Variants in PSD3 observed in about 807,000 individuals in gnomAD.
PSD3 encodes the protein pleckstrin and Sec7 domain containing 3.
PSD3 carries 49 observed loss-of-function variants against 105.5 expected under a neutral mutation model. That is an observed-to-expected ratio of 0.46 (90% CI 0.37 to 0.59). The LOEUF is 0.59. PSD3 is among the 20% of genes least tolerant of loss of function. The probability of loss-of-function intolerance (pLI) is 0.00; values close to 1 mark genes in which losing one functional copy is unlikely to be tolerated. For missense variants in PSD3, 1,561 were observed against 1,263.8 expected, an observed-to-expected ratio of 1.24 and a Z score of -3.57; for synonymous variants, 557 against 457.8, an observed-to-expected ratio of 1.22 and a Z score of -2.77.
chr8:18,762,720 C>A (rs566416808), intron 9 of PSD3, among the ~76,000 whole-genome samples: 1 of 152,148 alleles, frequency 6.6e-6, no homozygotes, highest in African/African-American at 2.4e-5. Context: ...TATCATCTAT[C>A]CCTTCAATAC....
At chr8:18,627,414 G>C (rs991719770) in intron 11 of PSD3, among the ~76,000 whole-genome samples, 12 of 152,070 alleles carry the variant, frequency 7.9e-5, no homozygotes, top group African/African-American at 2.4e-4. Flanking sequence ...CTTAGCACTA[G>C]TGAAAGGAAA....
chr8:18,621,291 C>T (rs1806091583), intron 11 of PSD3, among the ~76,000 whole-genome samples: 2 of 152,030 alleles, frequency 1.3e-5, no homozygotes, highest in Admixed American at 6.6e-5. Flanking sequence ...ACCTGTAGTC[C>T]CTGTTACTCA....
chr8:18,815,020 G>T (rs114051047), intron 4 of PSD3, among the ~76,000 whole-genome samples: 147 of 152,278 alleles, frequency 9.7e-4, no homozygotes, highest in Middle Eastern at 3.4e-3. Context: ...ACCACCACCA[G>T]TCCTTAGAAT....
intron 2 of PSD3, among the ~76,000 whole-genome samples, chr8:18,904,539 T>C (rs1325103651): frequency 6.6e-6 from 1 of 152,188 alleles, no homozygotes; most frequent in Non-Finnish European, 1.5e-5. Flanking sequence ...TGGGGCCTAC[T>C]ACCCCTTTCT....
At position 18,867,742 on chromosome 8, in the gene PSD3, G is replaced by A. The variant is rs779646098; in HGVS notation, c.1566C>T (p.Thr522=). 2.5e-6 allele frequency: 4 copies of A among 1,613,986 alleles called. No individual in the cohort carries two copies. Among genetic ancestry groups the A allele is most frequent in the South Asian group, 2.2e-5 (2 of 91,074 alleles). The change falls in exon 4 of 16, where the codon ACC becomes ACT. Residue 522 remains threonine, a synonymous_variant. Coordinates refer to ENST00000327040, the MANE Select transcript of PSD3 (RefSeq NM_015310.4). ...AGTCGCTGGCATCATTCAGCCCATTGGTGACGCCACTAGAATAGCCCATCA... is the reference window on the plus strand; with the variant it reads ...AGTCGCTGGCATCATTCAGCCCATTAGTGACGCCACTAGAATAGCCCATCA... ...GIVMGYSSGV[T]NGLNDASDSI... is the part of the protein sequence containing the mutation.
At chr8:18,863,808 G>A (rs538214142) in intron 4 of PSD3, among the ~76,000 whole-genome samples, 45 of 152,060 alleles carry the variant, frequency 3.0e-4, no homozygotes, top group African/African-American at 1.1e-3. Context: ...TATAGATTTG[G>A]AATATTTTCT....
At chr8:18,795,642 A>AC (rs1810107608) in intron 8 of PSD3, among the ~76,000 whole-genome samples, 1 of 151,998 alleles carries the variant, frequency 6.6e-6, no homozygotes, top group African/African-American at 2.4e-5. Flanking sequence ...TCTATACTTA[A>AC]CCCTCCTACC....
chr8:18,955,096 C>T (rs893777371), intron 1 of PSD3, among the ~76,000 whole-genome samples: 3 of 152,282 alleles, frequency 2.0e-5, no homozygotes, highest in African/African-American at 7.2e-5. Context: ...AGGTTTATTT[C>T]TTGCTCAGAT....
At chr8:18,717,339 C>T (rs1337028805) in intron 9 of PSD3, among the ~76,000 whole-genome samples, 1 of 151,974 alleles carries the variant, frequency 6.6e-6, no homozygotes, top group Non-Finnish European at 1.5e-5. Context: ...AAAATTGTTC[C>T]AGAATGGGAG....
chr8:18,602,151 G>A (rs1394590360), intron 11 of PSD3, among the ~76,000 whole-genome samples: 5 of 152,158 alleles, frequency 3.3e-5, no homozygotes, highest in African/African-American at 7.2e-5. Flanking sequence ...GGCTTTCCCC[G>A]AGCCCTAAAA....
In PSD3 at chr8:18,808,833, C is replaced by T. The variant is rs374984251; in HGVS notation, c.1635-3935G>A. ...GGACCATCCTTCCTCTCCGAAGCCC[C>T]GTCCAGTATTCTTCAGCTCCCAAGT... On this transcript the variant is annotated intron_variant, in intron 4 of 15. Transcript: ENST00000327040. 4.8e-5 allele frequency: 78 copies of T among 1,609,920 alleles called. 1 individual carries two copies. Among genetic ancestry groups the T allele is most frequent in the Non-Finnish European group, 3.6e-5 (43 of 1,178,956 alleles).
intron 1 of PSD3, among the ~76,000 whole-genome samples, chr8:18,972,537 G>T (rs1824714796): frequency 6.6e-6 from 1 of 152,230 alleles, no homozygotes; most frequent in Non-Finnish European, 1.5e-5. Flanking sequence ...GCTAGGAAGA[G>T]AGCAATGTGC....
At chr8:18,740,235 A>T (rs755055368) in intron 9 of PSD3, among the ~76,000 whole-genome samples, 18 of 152,150 alleles carry the variant, frequency 1.2e-4, no homozygotes, top group Non-Finnish European at 4.4e-5. Context: ...CCACAGTGAC[A>T]GCTCCTGCTG....
rs1191433073 is a variant in PSD3 at position 18,562,536 on chromosome 8, G to C, written c.2785-6184C>G. Among the ~76,000 whole-genome samples the C allele has an allele frequency of 1.1e-4, 16 of 152,220 alleles. No individual in the cohort carries two copies. The South Asian group carries it at 2.7e-3, about 26-fold the overall frequency. ...CTGCTGCCGGGTCTCCTCTGCTATA[G>C]CTCTCAAACGTGCAGGCTGGACTCA... On this transcript the variant is annotated intron_variant, in intron 14 of 15. Coordinates refer to ENST00000327040, the MANE Select transcript of PSD3 (RefSeq NM_015310.4).
chr8:18,587,648 C>T (rs1365367120), intron 12 of PSD3, among the ~76,000 whole-genome samples: 1 of 152,162 alleles, frequency 6.6e-6, no homozygotes, highest in African/African-American at 2.4e-5. Context: ...ATCTTCTGAC[C>T]TTTGCAAGTA....
intron 2 of PSD3, among the ~76,000 whole-genome samples, chr8:18,875,709 G>C (rs1476855464): frequency 6.6e-6 from 1 of 151,970 alleles, no homozygotes; most frequent in African/African-American, 2.4e-5. Flanking sequence ...CTAATTTTTT[G>C]TATTTTTTTA....
chr8:19,033,071 G>T (rs1827823267), intron 1 of PSD3, among the ~76,000 whole-genome samples: 1 of 151,768 alleles, frequency 6.6e-6, no homozygotes, highest in African/African-American at 2.4e-5. Context: ...ACTGAACATA[G>T]CAAGACCCTA....
At chr8:18,860,118 A>G (rs1026200442) in intron 4 of PSD3, among the ~76,000 whole-genome samples, 2 of 152,172 alleles carry the variant, frequency 1.3e-5, no homozygotes, top group Admixed American at 6.5e-5. Context: ...AACTGGCATA[A>G]TCTCAATATT....
At chr8:18,968,512 A>G (rs903621399) in intron 1 of PSD3, among the ~76,000 whole-genome samples, 16 of 152,200 alleles carry the variant, frequency 1.1e-4, no homozygotes, top group African/African-American at 3.1e-4. Context: ...GCTTCTTTAT[A>G]GACATCTCAA....
Sources: allele counts gnomAD v4.1 joint callset (sites outside exome capture counted in the v4.1 genomes callset), GRCh38; gene constraint gnomAD v4.1.1; transcripts MANE v1.5; gene names NCBI Gene and HGNC (gene_info 2026-07-23, HGNC 2026-07-21).